The following PCDH15 variants were observed in gnomAD, a reference collection of about 807,000 sequenced individuals.
PCDH15 encodes protocadherin related 15, also known as protocadherin-15.
In PCDH15, 129 loss-of-function variants were observed where a neutral mutation model predicts 178.5. The ratio of observed to expected loss-of-function variants is 0.72; its 90% confidence interval spans 0.63 to 0.84. The LOEUF is 0.84. Among genes scored for constraint, PCDH15 ranks in the 40% least tolerant of loss-of-function variants. PCDH15 has a pLI of 0.00. For synonymous variants in PCDH15, 800 were observed against 732.0 expected (o/e 1.09, Z -1.50); for missense variants, 2,230 against 2,099.9 (o/e 1.06, Z -1.21).
intron 2 of PCDH15, among the ~76,000 whole-genome samples, chr10:55,436,849 A>T (rs1839052468): frequency 6.6e-6 from 1 of 152,164 alleles, no homozygotes; most frequent in African/African-American, 2.4e-5. Context: ...TGCTTGAAAA[A>T]TTCCGTTGTA....
chr10:55,599,879 C>G (rs1352652357), intron 2 of PCDH15: 1 of 1,474,592 alleles, frequency 6.8e-7, no homozygotes, highest in Non-Finnish European at 9.0e-7. Flanking sequence ...TCACTTGTTC[C>G]CTAAGTAGGG....
intron 2 of PCDH15, among the ~76,000 whole-genome samples, chr10:54,611,716 A>G (rs1191955888): frequency 6.6e-6 from 1 of 151,874 alleles, no homozygotes; most frequent in Non-Finnish European, 1.5e-5. Context: ...CCTTAGGGTT[A>G]GTCCAGACCT....
intron 1 of PCDH15, among the ~76,000 whole-genome samples, chr10:54,746,382 G>T (rs1945464590): frequency 6.6e-6 from 1 of 151,966 alleles, no homozygotes; most frequent in Non-Finnish European, 1.5e-5. Context: ...TTAGATGAAT[G>T]GATAAGATCT....
At chr10:54,918,224 G>A (rs1220007482) in intron 2 of PCDH15, among the ~76,000 whole-genome samples, 2 of 151,876 alleles carry the variant, frequency 1.3e-5, no homozygotes, top group African/African-American at 4.8e-5. Context: ...CCTTTGATTG[G>A]AGGATGATGA....
chr10:54,376,438 T>G (rs2134947705), intron 4 of PCDH15, among the ~76,000 whole-genome samples: 1 of 150,850 alleles, frequency 6.6e-6, no homozygotes, highest in African/African-American at 2.4e-5. Context: ...GTATATATAT[T>G]TACATATATG....
At chr10:53,923,130 T>C (rs545566462) in intron 25 of PCDH15, among the ~76,000 whole-genome samples, 2 of 152,180 alleles carry the variant, frequency 1.3e-5, no homozygotes, top group South Asian at 4.1e-4. Context: ...TATAGCAATC[T>C]CTATTAAACA....
intron 1 of PCDH15, among the ~76,000 whole-genome samples, chr10:55,202,306 G>C (rs750360205): frequency 1.3e-5 from 2 of 151,964 alleles, no homozygotes; most frequent in Non-Finnish European, 2.9e-5. Flanking sequence ...TAGCTGCTAG[G>C]GTAGAGACAG....
chr10:53,838,137 G>A (rs1986682), intron 29 of PCDH15, among the ~76,000 whole-genome samples: 10,303 of 151,508 alleles, frequency 0.068, 403 homozygotes, highest in East Asian at 0.098. Context: ...CACCATGCCC[G>A]GCTAATTTTT....
intron 2 of PCDH15, among the ~76,000 whole-genome samples, chr10:54,656,672 CAG>C (rs1296139076): frequency 6.6e-6 from 1 of 152,154 alleles, no homozygotes; most frequent in Non-Finnish European, 1.5e-5. Context: ...CAAAGGGAAA[CAG>C]AGAGGATCCC....
chr10:55,591,043 CCTTAA>C (rs541609624), intron 2 of PCDH15, among the ~76,000 whole-genome samples: 37 of 152,094 alleles, frequency 2.4e-4, no homozygotes, highest in African/African-American at 8.7e-4. Context: ...GGTTCCATTG[CCTTAA>C]CTTATCTAGC....
At chr10:54,764,358 A>G (rs767101264) in intron 1 of PCDH15, among the ~76,000 whole-genome samples, 5 of 152,068 alleles carry the variant, frequency 3.3e-5, no homozygotes, top group Non-Finnish European at 7.4e-5. Flanking sequence ...CTATTACAAA[A>G]CCTAGAGAAA....
intron 26 of PCDH15, among the ~76,000 whole-genome samples, chr10:53,894,214 T>A (rs552585574): frequency 6.6e-6 from 1 of 152,296 alleles, no homozygotes; most frequent in African/African-American, 2.4e-5. Context: ...AACAGTATAA[T>A]TGGTTTAAGT....
intron 1 of PCDH15, among the ~76,000 whole-genome samples, chr10:54,762,675 T>C (rs1304059462): frequency 6.6e-6 from 1 of 152,134 alleles, no homozygotes; most frequent in Non-Finnish European, 1.5e-5. Context: ...ACTTATGAAA[T>C]TCTTAAGCAT....
intron 2 of PCDH15, among the ~76,000 whole-genome samples, chr10:55,518,921 C>T (rs1025651155): frequency 3.3e-5 from 5 of 151,368 alleles, no homozygotes; most frequent in South Asian, 2.1e-4. Context: ...GGTGAAACCC[C>T]GTCTCTACTA....
rs182907621 is a variant in PCDH15, at chr10:55,534,764, G to T, written c.-156+92861C>A. On this transcript the variant is annotated intron_variant, in intron 2 of 5. Transcript: ENST00000613346. The stretch of plus-strand genomic sequence containing the variant: ...ATTATACCAAAAACCACATGCACTT[G>T]TATAATCATCACTGCACTATTCACA... Among the ~76,000 whole-genome samples, 273 of 152,094 alleles carry T rather than the reference G, an allele frequency of 1.8e-3. 1 individual carries two copies. Among genetic ancestry groups the T allele is most frequent in the African/African-American group, 5.8e-3 (242 of 41,532 alleles).
chr10:53,948,910 T>C (rs1040917283), intron 23 of PCDH15, among the ~76,000 whole-genome samples: 6 of 152,188 alleles, frequency 3.9e-5, no homozygotes, highest in African/African-American at 1.4e-4. Flanking sequence ...ACTAATAAAA[T>C]AAAATTAATG....
chr10:53,869,245 C>T (rs2079660352), intron 26 of PCDH15, among the ~76,000 whole-genome samples: 1 of 152,132 alleles, frequency 6.6e-6, no homozygotes, highest in Non-Finnish European at 1.5e-5. Context: ...GTCACATTCT[C>T]ACTTAAAGGA....
At chr10:54,747,574 G>A (rs928338786) in intron 1 of PCDH15, among the ~76,000 whole-genome samples, 1 of 152,070 alleles carries the variant, frequency 6.6e-6, no homozygotes, top group African/African-American at 2.4e-5. Flanking sequence ...AATTGTACCA[G>A]CATTAACCTG....
At chr10:54,700,493 A>C (rs1197067383) in intron 1 of PCDH15, among the ~76,000 whole-genome samples, 5 of 152,116 alleles carry the variant, frequency 3.3e-5, no homozygotes, top group Non-Finnish European at 7.4e-5. Context: ...AAGAACTGAA[A>C]GACAAAATAG....
Sources: gnomAD v4.1 joint callset for allele counts (sites outside exome capture counted in the v4.1 genomes callset) on GRCh38, gnomAD v4.1.1 for gene constraint, MANE v1.5 for transcripts, NCBI Gene and HGNC (gene_info 2026-07-23, HGNC 2026-07-21) for gene names.